The following SORCS3 variants were observed in gnomAD, a reference collection of about 807,000 sequenced individuals.
SORCS3 encodes sortilin related VPS10 domain containing receptor 3, also known as VPS10 domain-containing receptor SorCS3.
SORCS3 carries 57 observed loss-of-function variants against 146.3 expected under a neutral mutation model. The ratio of observed to expected loss-of-function variants is 0.39; its 90% CI spans 0.31 to 0.49. SORCS3 has a LOEUF of 0.49. Among genes scored for constraint, SORCS3 ranks in the 20% least tolerant of loss-of-function variants. The pLI is 0.92. For synonymous variants in SORCS3, 653 were observed against 618.5 expected (o/e 1.06, Z -0.83); for missense variants, 1,341 against 1,575.5 (o/e 0.85, Z 2.52).
At chr10:104,777,634 G>A (rs1301202876) in intron 1 of SORCS3, among the ~76,000 whole-genome samples, 1 of 152,222 alleles carries the variant, frequency 6.6e-6, no homozygotes, top group Non-Finnish European at 1.5e-5. Flanking sequence ...TTAGAGGCCA[G>A]GGATGCTGCT....
At chr10:105,080,282 T>C (rs2055614220) in intron 5 of SORCS3, among the ~76,000 whole-genome samples, 1 of 152,166 alleles carries the variant, frequency 6.6e-6, no homozygotes, top group African/African-American at 2.4e-5. Context: ...CTCACAGTGG[T>C]TCTGATTTGC....
At chr10:105,245,453 G>A in intron 20 of SORCS3, 89 bp from the exon 21 acceptor site, 1 of 1,488,876 alleles carries the variant, frequency 6.7e-7, no homozygotes, top group Non-Finnish European at 9.1e-7. Flanking sequence ...TCTTTTCCAA[G>A]TTAGGATGAC....
intron 8 of SORCS3, among the ~76,000 whole-genome samples, chr10:105,142,503 C>A (rs558974281): frequency 6.6e-6 from 1 of 152,288 alleles, no homozygotes; most frequent in African/African-American, 2.4e-5. Context: ...TTAAAACCAG[C>A]TTTTCTCTTT....
At chr10:104,734,538 G>A (rs1397086820) in intron 1 of SORCS3, among the ~76,000 whole-genome samples, 3 of 152,206 alleles carry the variant, frequency 2.0e-5, no homozygotes, top group African/African-American at 2.4e-5. Flanking sequence ...GAGCACAGAC[G>A]ACACTGTGCT....
At chr10:104,982,418 A>G (rs952895995) in intron 4 of SORCS3, among the ~76,000 whole-genome samples, 8 of 152,172 alleles carry the variant, frequency 5.3e-5, no homozygotes, top group Admixed American at 3.9e-4. Flanking sequence ...AGGCGATGAT[A>G]AGTTTCTCAG....
rs560399741 is a variant in SORCS3, at chr10:105,197,582, T to A, written c.2010-2417T>A. Among the ~76,000 whole-genome samples, 4 of 152,350 alleles carry A rather than the reference T, an allele frequency of 2.6e-5. No individual in the cohort carries two copies. In the Middle Eastern group the frequency reaches 0.01, roughly 389 times the overall value. ...TAGACAATACATATAATTCTGTTAA[T>A]GCATTTCAAGATCACGTTAAATATT... On this transcript the variant is annotated intron_variant, in intron 14 of 26. Transcript: ENST00000369701.
intron 2 of SORCS3, among the ~76,000 whole-genome samples, chr10:104,873,991 C>T (rs2018545121): frequency 6.6e-6 from 1 of 152,174 alleles, no homozygotes; most frequent in Non-Finnish European, 1.5e-5. Context: ...CAAGTTCTTT[C>T]AGGTTATTAT....
At chr10:104,871,791 A>G (rs1404001883) in intron 2 of SORCS3, among the ~76,000 whole-genome samples, 2 of 152,124 alleles carry the variant, frequency 1.3e-5, no homozygotes, top group Non-Finnish European at 2.9e-5. Context: ...TGCCCTTCCC[A>G]GAAACCTGTC....
chr10:105,035,654 G>A (rs2797817), intron 4 of SORCS3, among the ~76,000 whole-genome samples: 31,243 of 151,754 alleles, frequency 0.21, 3,461 homozygotes, highest in African/African-American at 0.29. Flanking sequence ...TTTTAGTAGA[G>A]ACGGGGTTTC....
chr10:105,216,850 GTTGAT>G, intron 18 of SORCS3, 81 bp from the exon 19 acceptor site: 1 of 1,334,890 alleles, frequency 7.5e-7, no homozygotes, highest in Non-Finnish European at 1.1e-6. Context: ...GTCATCAGAG[GTTGAT>G]GCTGAAGCAA....
chr10:105,146,560 C>G (rs1362633845), intron 8 of SORCS3, among the ~76,000 whole-genome samples: 1 of 151,806 alleles, frequency 6.6e-6, no homozygotes, highest in African/African-American at 2.4e-5. Context: ...CAGAATATGG[C>G]CAAGCTAAAC....
chr10:104,718,275 AT>A (rs2016502908), intron 1 of SORCS3, among the ~76,000 whole-genome samples: 1 of 152,150 alleles, frequency 6.6e-6, no homozygotes, highest in South Asian at 2.1e-4. Flanking sequence ...TTGCTGTGTC[AT>A]CCCATGGCAG....
rs2056218831 is a variant in SORCS3, at chr10:105,157,261, G to C, written c.1606G>C (p.Gly536Arg). ...LLQAPDVDLR[G>R]SPVHCLLPFC... ...GCAAGCTCCGGATGTGGACCTGAGA[G>C]GAAGCCCAGTGCACTGCCTGCTGGT... Residue 536 changes from glycine to arginine, a missense_variant, in exon 10 of 27, where the codon GGA (glycine) becomes CGA (arginine). Gly to Arg is a moderately radical substitution (Grantham distance 125). Coordinates refer to ENST00000369701, the MANE Select transcript of SORCS3 (RefSeq NM_014978.3). The C allele has an allele frequency of 6.2e-7, 1 of 1,613,934 alleles. No individual in the cohort carries two copies. The highest frequency in any genetic ancestry group is 1.3e-5 in the African/African-American group (1 of 74,930).
chr10:104,966,418 GTTATTTC>G (rs898065384), intron 3 of SORCS3, among the ~76,000 whole-genome samples: 9 of 152,250 alleles, frequency 5.9e-5, no homozygotes, highest in African/African-American at 2.2e-4. Context: ...TGATGTTATT[GTTATTTC>G]TTATTGAACA....
intron 1 of SORCS3, among the ~76,000 whole-genome samples, chr10:104,644,061 C>G (rs1027734944): frequency 1.3e-5 from 2 of 152,220 alleles, no homozygotes; most frequent in African/African-American, 4.8e-5. Context: ...AGGGGCAGGT[C>G]TGGCCCGTGC....
chr10:104,947,397 G>A (rs1191248359), intron 3 of SORCS3, among the ~76,000 whole-genome samples: 3 of 152,144 alleles, frequency 2.0e-5, no homozygotes, highest in Admixed American at 2.0e-4. Context: ...GGGAGGCTTA[G>A]GAAATGTTGG....
intron 2 of SORCS3, among the ~76,000 whole-genome samples, chr10:104,891,789 T>C (rs1414938660): frequency 6.6e-6 from 1 of 152,214 alleles, no homozygotes; most frequent in Non-Finnish European, 1.5e-5. Flanking sequence ...TAAGGTTTGC[T>C]GAACCAGATT....
At chr10:104,880,259 A>G (rs1589534110) in intron 2 of SORCS3, among the ~76,000 whole-genome samples, 2 of 152,334 alleles carry the variant, frequency 1.3e-5, no homozygotes, top group East Asian at 3.9e-4. Context: ...AATAAAAGCC[A>G]TTGTTACCAT....
chr10:104,715,930 G>A (rs535023122), intron 1 of SORCS3, among the ~76,000 whole-genome samples: 3 of 152,256 alleles, frequency 2.0e-5, no homozygotes, highest in Non-Finnish European at 2.9e-5. Context: ...ATGCCAAGTA[G>A]AGCCAAAGTT....
Sources: allele counts gnomAD v4.1 joint callset (sites outside exome capture counted in the v4.1 genomes callset), GRCh38; gene constraint gnomAD v4.1.1; transcripts MANE v1.5; gene names NCBI Gene and HGNC (gene_info 2026-07-23, HGNC 2026-07-21).